PLCB1: variants seen among roughly 807,000 people sequenced by gnomAD.
PLCB1 encodes 1-phosphatidylinositol 4,5-bisphosphate phosphodiesterase beta-1.
A neutral mutation model predicts 161.8 loss-of-function variants in PLCB1; 46 were observed. The observed-to-expected ratio is 0.28, with a 90% CI of 0.22 to 0.36. The LOEUF (loss-of-function observed/expected upper bound fraction) is 0.36, where lower values mean the gene tolerates loss of function less well. PLCB1 is among the 10% of genes least tolerant of loss of function. The pLI, the probability that PLCB1 is intolerant of heterozygous loss-of-function variation, is 1.00. For synonymous variants in PLCB1, 517 were observed against 503.7 expected (o/e 1.03, Z -0.35); for missense variants, 1,016 against 1,472.5 (o/e 0.69, Z 5.07).
Position 8,790,035 on chromosome 20 carries a change from A to T in PLCB1, c.3337-140A>T, listed in dbSNP as rs147489537. 119 of 626,502 alleles carry T rather than the reference A, an allele frequency of 1.9e-4. No homozygotes were observed. In the East Asian group the frequency reaches 3.1e-3, roughly 16 times the overall value. The allele number at this position is 626,502 out of a possible 1,614,324, so 38.8% of individuals were successfully genotyped here. The stretch of plus-strand genomic sequence containing the variant: ...GCTTCAACACTTACTACAGTTTCCT[A>T]TACTTGTAAGTGTAGTTCTTGATCA... On this transcript the variant is annotated intron_variant, in intron 30 of 31. Transcript: ENST00000338037.
chr20:8,866,533 AC>A (rs1396152442), intron 31 of PLCB1, among the ~76,000 whole-genome samples: 13 of 152,374 alleles, frequency 8.5e-5, no homozygotes, highest in African/African-American at 2.6e-4. Flanking sequence ...GGCAACACTG[AC>A]AAATTAGAAG....
intron 31 of PLCB1, among the ~76,000 whole-genome samples, chr20:8,836,108 A>G (rs1364532906): frequency 3.9e-5 from 6 of 152,072 alleles, no homozygotes; most frequent in Non-Finnish European, 5.9e-5. Context: ...TTCTTCTAGC[A>G]GGCTAATCAA....
intron 23 of PLCB1, among the ~76,000 whole-genome samples, chr20:8,742,389 T>G (rs957541018): frequency 6.6e-6 from 1 of 152,132 alleles, no homozygotes; most frequent in African/African-American, 2.4e-5. Flanking sequence ...TAACTAATAG[T>G]TATCCATTAA....
chr20:8,819,568 A>C (rs1402099024), intron 31 of PLCB1, among the ~76,000 whole-genome samples: 1 of 148,078 alleles, frequency 6.8e-6, no homozygotes, highest in Non-Finnish European at 1.5e-5. Flanking sequence ...AAGAGAGTAA[A>C]AAGACAGATA....
At chr20:8,409,385 T>C (rs1253119201) in intron 3 of PLCB1, among the ~76,000 whole-genome samples, 2 of 152,106 alleles carry the variant, frequency 1.3e-5, no homozygotes, top group Non-Finnish European at 2.9e-5. Flanking sequence ...TTTTCTTGAA[T>C]GAAATTTGAC....
intron 3 of PLCB1, among the ~76,000 whole-genome samples, chr20:8,439,328 T>C (rs967164958): frequency 6.6e-6 from 1 of 152,228 alleles, no homozygotes; most frequent in African/African-American, 2.4e-5. Context: ...ATACTCTTTA[T>C]TGGCTCATTT....
intron 3 of PLCB1, among the ~76,000 whole-genome samples, chr20:8,451,913 T>C (rs8123250): frequency 0.017 from 2,643 of 152,152 alleles, 80 homozygotes; most frequent in African/African-American, 0.061. Flanking sequence ...TCCTTCTTTA[T>C]TTCACTCATC....
intron 2 of PLCB1, among the ~76,000 whole-genome samples, chr20:8,244,464 A>C (rs926460222): frequency 6.6e-6 from 1 of 151,960 alleles, no homozygotes; most frequent in African/African-American, 2.4e-5. Flanking sequence ...TGTCATGTTA[A>C]GTGGAAGAAA....
chr20:8,429,254 T>C (rs933116701), intron 3 of PLCB1, among the ~76,000 whole-genome samples: 2 of 152,202 alleles, frequency 1.3e-5, no homozygotes, highest in African/African-American at 4.8e-5. Context: ...GTAGGAACAA[T>C]GGACTTAGAT....
At chr20:8,714,264 A>G (rs1392945752) in intron 12 of PLCB1, among the ~76,000 whole-genome samples, 1 of 152,134 alleles carries the variant, frequency 6.6e-6, no homozygotes, top group Admixed American at 6.5e-5. Context: ...TTCAGGGGCC[A>G]CACTTGGAGA....
chr20:8,675,345 T>C (rs1354339797), intron 9 of PLCB1, among the ~76,000 whole-genome samples: 1 of 152,218 alleles, frequency 6.6e-6, no homozygotes, highest in African/African-American at 2.4e-5. Context: ...TCTGTGGCTC[T>C]GATGGCACTC....
intron 23 of PLCB1, chr20:8,751,451 T>A (rs1981477274): frequency 6.6e-6 from 1 of 152,272 alleles, no homozygotes; most frequent in Admixed American, 6.5e-5. Flanking sequence ...GCACATCAAA[T>A]GGCTTTTCCT....
rs561653167 is a variant in PLCB1, at chr20:8,351,912, G to T, written c.178-19470G>T. Reference sequence around the variant, plus strand: ...AATGGGGTTGCAAAATGGGTATAATGAAATATAATACAGTTTAGCAGTTTC... The same window carrying T: ...AATGGGGTTGCAAAATGGGTATAATTAAATATAATACAGTTTAGCAGTTTC... On this transcript the variant is annotated intron_variant, in intron 2 of 31. Coordinates refer to ENST00000338037, the MANE Select transcript of PLCB1 (RefSeq NM_015192.4). Among the ~76,000 whole-genome samples, 186 of 152,132 alleles carry T rather than the reference G, an allele frequency of 1.2e-3. 1 individual carries two copies. Among genetic ancestry groups the T allele is most frequent in the African/African-American group, 4.3e-3 (180 of 41,540 alleles).
At chr20:8,826,694 C>T (rs930459766) in intron 31 of PLCB1, among the ~76,000 whole-genome samples, 2 of 152,174 alleles carry the variant, frequency 1.3e-5, no homozygotes, top group Non-Finnish European at 2.9e-5. Flanking sequence ...ATCTCTCACT[C>T]TAGAATTTCC....
At chr20:8,486,966 AAG>A (rs1468076519) in intron 3 of PLCB1, among the ~76,000 whole-genome samples, 1 of 152,230 alleles carries the variant, frequency 6.6e-6, no homozygotes, top group Non-Finnish European at 1.5e-5. Flanking sequence ...CAGGTGGCAT[AAG>A]GCTTCAGAAC....
At chr20:8,775,869 C>T (rs1345219382) in intron 27 of PLCB1, among the ~76,000 whole-genome samples, 1 of 152,116 alleles carries the variant, frequency 6.6e-6, no homozygotes, top group Non-Finnish European at 1.5e-5. Flanking sequence ...AAATGTGAGG[C>T]TCAGGATTTA....
chr20:8,495,476 A>C (rs1447454142), intron 3 of PLCB1, among the ~76,000 whole-genome samples: 2 of 141,596 alleles, frequency 1.4e-5, no homozygotes, highest in African/African-American at 5.4e-5. Context: ...CGGCTCACTG[A>C]AAGCTCCACC....
intron 3 of PLCB1, among the ~76,000 whole-genome samples, chr20:8,530,133 G>A (rs1187449254): frequency 2.6e-5 from 4 of 151,992 alleles, no homozygotes; most frequent in South Asian, 2.1e-4. Flanking sequence ...TGTTTATTCA[G>A]GTTTTCACTT....
At chr20:8,619,737 A>G (rs1209037391) in intron 3 of PLCB1, among the ~76,000 whole-genome samples, 1 of 152,186 alleles carries the variant, frequency 6.6e-6, no homozygotes, top group Non-Finnish European at 1.5e-5. Context: ...CACTCTTTAA[A>G]TTAAGCTTCC....
Sources: allele counts gnomAD v4.1 joint callset (sites outside exome capture counted in the v4.1 genomes callset), GRCh38; gene constraint gnomAD v4.1.1; transcripts MANE v1.5; gene names NCBI Gene and HGNC (gene_info 2026-07-23, HGNC 2026-07-21).